RESF1: variants seen among roughly 807,000 people sequenced by gnomAD.
The protein encoded by RESF1 is retroelement silencing factor 1, also known as gonad expressed transcript.
In RESF1, 65 loss-of-function variants were observed where a neutral mutation model predicts 134.7. The ratio of observed to expected loss-of-function variants is 0.48; its 90% CI spans 0.40 to 0.59. The LOEUF (loss-of-function observed/expected upper bound fraction) is 0.59. Ranked by LOEUF, RESF1 falls within the 20% of genes least tolerant of loss-of-function variation. The probability of loss-of-function intolerance (pLI) is 0.00; values close to 1 mark genes in which losing one functional copy is unlikely to be tolerated. For missense variants in RESF1, 2,274 were observed against 2,002.7 expected (o/e 1.14, Z -2.59); for synonymous variants, 762 against 702.2 (o/e 1.09, Z -1.35).
At position 31,984,523 on chromosome 12, in the gene RESF1, T is replaced by C. The variant is rs1045730150; in HGVS notation, c.3568T>C (p.Cys1190Arg). The change falls in exon 4 of 6, where the codon TGT becomes CGT. Residue 1190 changes from cysteine to arginine, a missense_variant. By Grantham distance (180) the Cys-to-Arg change is radical. Transcript: ENST00000312561. ...MVYEGVPQCQ[C>R]NSIKNSSSEE... ...TTACGAAGGAGTACCCCAGTGTCAG[T>C]GTAATTCCATCAAGAACTCATCTTC... 1.3e-6 allele frequency: 2 copies of C among 1,599,752 alleles called. No homozygotes were observed. The highest frequency in any genetic ancestry group is 2.2e-5 in the East Asian group (1 of 44,686).
At chr12:31,962,827 G>A (rs1031198274) in intron 2 of RESF1, among the ~76,000 whole-genome samples, 1 of 152,216 alleles carries the variant, frequency 6.6e-6, no homozygotes, top group African/African-American at 2.4e-5. Context: ...GTCGGGTGCG[G>A]TGGCTCATGC....
chr12:31,988,561 A>G (rs4931000), intron 5 of RESF1, among the ~76,000 whole-genome samples: 118,794 of 152,086 alleles, frequency 0.78, 46,325 homozygotes, highest in South Asian at 0.83. Flanking sequence ...ATGCTGCAGA[A>G]GTGTCCTGGA....
Position 31,981,430 on chromosome 12 carries a change from T to A in RESF1, c.475T>A (p.Ser159Thr). 6.2e-7 allele frequency: 1 copy of A among 1,614,108 alleles called. No homozygotes were observed. Among genetic ancestry groups the A allele is most frequent in the Non-Finnish European group, 8.5e-7 (1 of 1,179,992 alleles). The change falls in exon 4 of 6, where the codon TCA becomes ACA. Residue 159 changes from serine to threonine, a missense_variant. Physicochemically the swap from Ser to Thr is moderately conservative, Grantham distance 58. Coordinates refer to ENST00000312561, the MANE Select transcript of RESF1 (RefSeq NM_018169.4). Reference sequence around the variant, plus strand: ...GGCACTACAGAGTCAACTGATAACATCAGATACCTATTCTATGCAAATGCA... The same window carrying A: ...GGCACTACAGAGTCAACTGATAACAACAGATACCTATTCTATGCAAATGCA... The part of the protein sequence containing the change: ...MPALQSQLIT[S>T]DTYSMQMQMI...
intron 2 of RESF1, among the ~76,000 whole-genome samples, chr12:31,965,783 G>A (rs2120765402): frequency 6.6e-6 from 1 of 152,070 alleles, no homozygotes; most frequent in South Asian, 2.1e-4. Flanking sequence ...CCCAGCTGCT[G>A]GGGAGGCTGA....
At chr12:31,967,232 G>A (rs2120771950) in intron 2 of RESF1, among the ~76,000 whole-genome samples, 1 of 152,210 alleles carries the variant, frequency 6.6e-6, no homozygotes, top group East Asian at 1.9e-4. Context: ...AATCCATTTG[G>A]CCTTTTGCTG....
Position 31,984,337 on chromosome 12 carries a change from G to A in RESF1, c.3382G>A (p.Val1128Ile), listed in dbSNP as rs761438721. Residue 1128 changes from valine to isoleucine, a missense_variant, in exon 4 of 6, where the codon GTA (valine) becomes ATA (isoleucine). Transcript: ENST00000312561. ...TGAACAGGATGATCAACCCTATGTA[G>A]TAGACAAGTTGGCAGAACCTCAGAA... The part of the protein sequence containing the change: ...FPEQDDQPYV[V>I]DKLAEPQKEE... 2.5e-6 allele frequency: 4 copies of A among 1,614,060 alleles called. No individual in the cohort carries two copies. The highest frequency in any genetic ancestry group is 1.7e-6 in the Non-Finnish European group (2 of 1,180,004).
chr12:31,991,953 A>G (rs1018105214), intron 5 of RESF1, among the ~76,000 whole-genome samples: 1 of 152,242 alleles, frequency 6.6e-6, no homozygotes, highest in East Asian at 1.9e-4. Flanking sequence ...CATGTTTTAG[A>G]ATATCCAATA....
chr12:31,966,934 A>G (rs564212957), intron 2 of RESF1, among the ~76,000 whole-genome samples: 1 of 152,306 alleles, frequency 6.6e-6, no homozygotes, highest in East Asian at 1.9e-4. Flanking sequence ...CTCATAGACC[A>G]TGGAGGCAAA....
intron 3 of RESF1, among the ~76,000 whole-genome samples, chr12:31,971,887 G>A (rs1319979667): frequency 6.6e-6 from 1 of 152,122 alleles, no homozygotes; most frequent in Non-Finnish European, 1.5e-5. Flanking sequence ...ATGAAGAAAA[G>A]GAATTCATTT....
Position 31,987,309 on chromosome 12 carries a change from CA to C in RESF1, c.5074del (p.Ser1692AlafsTer28). On this transcript the variant is annotated frameshift_variant, in exon 5 of 6. Coordinates refer to ENST00000312561, the MANE Select transcript of RESF1 (RefSeq NM_018169.4). LOFTEE classifies it low-confidence loss of function (END_TRUNC). ...CTACAAAGAAAAGGACACAGAAAGA[CA>C]GCCAAGAGAGAGGTAAAGTCATCTT... is the stretch of plus-strand genomic sequence containing the variant. ...VATKKRTQKDSQERDNVNSRL... is the reference protein window; with the variant it reads ...VATKKRTQKDXQERDNVNSRL... 1.3e-6 allele frequency: 2 copies of C among 1,599,338 alleles called. No homozygotes were observed. Among genetic ancestry groups the C allele is most frequent in the Middle Eastern group, 3.3e-4 (2 of 6,028 alleles).
In RESF1 at chr12:31,983,301, A is replaced by G; in HGVS notation, c.2346A>G (p.Ala782=). Residue 782 remains alanine, a synonymous_variant, in exon 4 of 6, where the codon GCA becomes GCG. Coordinates refer to ENST00000312561, the MANE Select transcript of RESF1 (RefSeq NM_018169.4). The part of the protein sequence containing the change: ...KTLSVKGITP[A]VLPETVYPVI... ...TGTCTGTCAAAGGAATAACACCTGC[A>G]GTGTTACCTGAAACAGTGTATCCCG... 1.2e-6 allele frequency: 2 copies of G among 1,613,862 alleles called. No individual in the cohort carries two copies. Among genetic ancestry groups the G allele is most frequent in the Middle Eastern group, 1.7e-4 (1 of 6,060 alleles).
At chr12:31,987,961 C>T (rs1940011193) in intron 5 of RESF1, among the ~76,000 whole-genome samples, 1 of 152,122 alleles carries the variant, frequency 6.6e-6, no homozygotes, top group African/African-American at 2.4e-5. Flanking sequence ...TCCCAAACTC[C>T]TGACATCAGG....
rs752285759 is a variant in RESF1 at position 31,992,879 on chromosome 12, T to C, written c.*344T>C. On this transcript the variant is annotated 3_prime_UTR_variant, in exon 6 of 6. Transcript: ENST00000312561. Reference sequence around the variant, plus strand: ...TCAGTTAAGGACTTGTTTATTTAAATGGGACTGTAAATATGTTTTGGTTTC... The same window carrying C: ...TCAGTTAAGGACTTGTTTATTTAAACGGGACTGTAAATATGTTTTGGTTTC... 75 of 237,322 alleles carry C rather than the reference T, an allele frequency of 3.2e-4. 1 individual carries two copies. Among genetic ancestry groups the C allele is most frequent in the Non-Finnish European group, 4.0e-4 (48 of 121,304 alleles). The allele number at this position is 237,322 out of a possible 1,614,324, so 14.7% of individuals were successfully genotyped here. A position where few individuals can be genotyped will look rare whatever the true frequency, so the allele number is the denominator to read the frequency against.
At chr12:31,961,552 T>C (rs1275144675) in intron 2 of RESF1, among the ~76,000 whole-genome samples, 1 of 152,246 alleles carries the variant, frequency 6.6e-6, no homozygotes, top group Non-Finnish European at 1.5e-5. Flanking sequence ...TATTGTCATG[T>C]TAGAGGAAAT....
chr12:31,962,076 A>G (rs1378994904), intron 2 of RESF1, among the ~76,000 whole-genome samples: 2 of 152,130 alleles, frequency 1.3e-5, no homozygotes, highest in African/African-American at 4.8e-5. Flanking sequence ...CTTTACTAAT[A>G]ATAACAAAAA....
rs1027723413 is a variant in RESF1 at position 31,962,958 on chromosome 12, G to T, written c.-247+2087G>T. Among the ~76,000 whole-genome samples the T allele has an allele frequency of 7.9e-5, 12 of 152,228 alleles. 1 individual carries two copies. Among genetic ancestry groups the T allele is most frequent in the Admixed American group, 6.5e-4 (10 of 15,288 alleles). ...ACTAAAAGTACAAAAAATTAGCCAG[G>T]CGTGGTGGCACATGCCTGAAATCCC... On this transcript the variant is annotated intron_variant, in intron 2 of 5. Coordinates refer to ENST00000312561, the MANE Select transcript of RESF1 (RefSeq NM_018169.4).
chr12:31,988,194 T>G (rs1418824438), intron 5 of RESF1, among the ~76,000 whole-genome samples: 1 of 152,186 alleles, frequency 6.6e-6, no homozygotes, highest in East Asian at 1.9e-4. Context: ...TGACTTAAGT[T>G]TCATTGCTAG....
Position 31,983,955 on chromosome 12 carries a change from T to G in RESF1, c.3000T>G (p.His1000Gln), listed in dbSNP as rs943639483. ...RVILEKSSLE[H>Q]ATEKSTANDT... ...TTCTAGAGAAAAGTAGTTTGGAGCATGCCACTGAAAAAAGCACAGCTAACG... is the reference window on the plus strand; with the variant it reads ...TTCTAGAGAAAAGTAGTTTGGAGCAGGCCACTGAAAAAAGCACAGCTAACG... The change falls in exon 4 of 6, where the codon CAT (histidine) becomes CAG (glutamine). Residue 1000 changes from histidine (H) to glutamine (Q), a missense_variant. His to Gln is a conservative substitution (Grantham distance 24). Coordinates refer to ENST00000312561, the MANE Select transcript of RESF1 (RefSeq NM_018169.4). The G allele has an allele frequency of 3.1e-6, 5 of 1,613,450 alleles. No homozygotes were observed. Among genetic ancestry groups the G allele is most frequent in the Non-Finnish European group, 4.2e-6 (5 of 1,179,892 alleles).
Position 31,985,844 on chromosome 12 carries a change from C to G in RESF1, c.4889C>G (p.Ser1630Ter). The change falls in exon 4 of 6, where the codon TCA becomes TGA. Residue 1630 changes from serine to a stop codon, truncating the protein, a stop_gained. Transcript: ENST00000312561. LOFTEE classifies it high-confidence loss of function. ...FLPVKGNTEK[S>*]NMLEFKLCPD... The stretch of plus-strand genomic sequence containing the variant: ...CCGGTGAAAGGTAACACAGAAAAAT[C>G]AAACATGCTGGAGTTTAAATTATGT... 2 of 1,564,398 alleles carry G rather than the reference C, an allele frequency of 1.3e-6. No individual in the cohort carries two copies. Among genetic ancestry groups the G allele is most frequent in the South Asian group, 1.2e-5 (1 of 82,220 alleles).
Sources: allele counts gnomAD v4.1 joint callset (sites outside exome capture counted in the v4.1 genomes callset), GRCh38; gene constraint gnomAD v4.1.1; transcripts MANE v1.5; gene names NCBI Gene and HGNC (gene_info 2026-07-23, HGNC 2026-07-21).